Variants in ADGRB3 observed in about 807,000 individuals in gnomAD.
The protein encoded by ADGRB3 is adhesion G protein-coupled receptor B3.
ADGRB3 carries 37 observed loss-of-function variants against 193.4 expected under a neutral mutation model. That is an observed-to-expected ratio of 0.19 (90% CI 0.15 to 0.25). The LOEUF (loss-of-function observed/expected upper bound fraction) is 0.25. Ranked by LOEUF, ADGRB3 falls within the 10% of genes least tolerant of loss-of-function variation. The pLI is 1.00. For synonymous variants in ADGRB3, 690 were observed against 644.2 expected (o/e 1.07, Z -1.08); for missense variants, 1,637 against 1,852.9 (o/e 0.88, Z 2.14).
At chr6:69,180,364 T>C (rs1026494296) in intron 17 of ADGRB3, among the ~76,000 whole-genome samples, 1 of 152,062 alleles carries the variant, frequency 6.6e-6, no homozygotes, top group African/African-American at 2.4e-5. Context: ...GCAAAGGAAG[T>C]GTGGGGCAGT....
intron 3 of ADGRB3, among the ~76,000 whole-genome samples, chr6:68,913,622 A>G (rs1297463047): frequency 2.0e-5 from 3 of 152,242 alleles, no homozygotes; most frequent in Admixed American, 1.3e-4. Flanking sequence ...TGGAAACTCT[A>G]AAAATCAGAG....
chr6:69,360,406 C>G (rs1248148383), intron 28 of ADGRB3, among the ~76,000 whole-genome samples: 2 of 151,678 alleles, frequency 1.3e-5, no homozygotes, highest in Non-Finnish European at 2.9e-5. Flanking sequence ...ATTAATTATC[C>G]CTTCAAGAAG....
intron 17 of ADGRB3, among the ~76,000 whole-genome samples, chr6:69,133,960 C>T (rs1315566937): frequency 6.6e-6 from 1 of 152,078 alleles, no homozygotes; most frequent in East Asian, 1.9e-4. Flanking sequence ...TGCTGAATTA[C>T]TTCATTTAGA....
intron 3 of ADGRB3, among the ~76,000 whole-genome samples, chr6:68,663,667 C>G (rs1345055329): frequency 6.6e-6 from 1 of 151,742 alleles, no homozygotes; most frequent in Non-Finnish European, 1.5e-5. Context: ...TGAATAGAAA[C>G]TTTTGAAGCT....
intron 3 of ADGRB3, among the ~76,000 whole-genome samples, chr6:68,710,522 G>A (rs988057932): frequency 6.6e-5 from 10 of 152,036 alleles, no homozygotes; most frequent in East Asian, 1.9e-4. Context: ...TAAAGAAGTC[G>A]GCTTCTGTTT....
At chr6:68,952,304 C>T (rs1767949078) in intron 6 of ADGRB3, among the ~76,000 whole-genome samples, 1 of 151,924 alleles carries the variant, frequency 6.6e-6, no homozygotes, top group Admixed American at 6.6e-5. Context: ...TCATATTTGA[C>T]ACTAAAAATT....
chr6:69,234,125 A>G (rs1488203723), intron 18 of ADGRB3, among the ~76,000 whole-genome samples: 1 of 152,216 alleles, frequency 6.6e-6, no homozygotes, highest in Non-Finnish European at 1.5e-5. Flanking sequence ...CTAAATAAGC[A>G]TCACTCTTCT....
intron 3 of ADGRB3, among the ~76,000 whole-genome samples, chr6:68,851,440 A>G (rs959688014): frequency 1.8e-4 from 27 of 152,024 alleles, no homozygotes; most frequent in Middle Eastern, 3.4e-3. Flanking sequence ...ATTTTAACCA[A>G]GAAGTAACTA....
chr6:68,880,012 C>T (rs115129042), intron 3 of ADGRB3, among the ~76,000 whole-genome samples: 7 of 152,114 alleles, frequency 4.6e-5, no homozygotes, highest in African/African-American at 7.2e-5. Flanking sequence ...AGACATAAAC[C>T]AATTTTAATA....
chr6:69,270,922 T>G (rs1044947974), intron 20 of ADGRB3, among the ~76,000 whole-genome samples: 2 of 152,208 alleles, frequency 1.3e-5, no homozygotes, highest in Non-Finnish European at 2.9e-5. Context: ...AATAAGCATT[T>G]TTTTCAAACA....
chr6:69,270,072 G>A (rs1767140241), intron 20 of ADGRB3, among the ~76,000 whole-genome samples: 1 of 152,062 alleles, frequency 6.6e-6, no homozygotes, highest in South Asian at 2.1e-4. Context: ...GCACTTTTTG[G>A]AGTTTGTGGG....
intron 17 of ADGRB3, among the ~76,000 whole-genome samples, chr6:69,111,117 A>G (rs949502436): frequency 6.6e-6 from 1 of 152,216 alleles, no homozygotes; most frequent in Admixed American, 6.5e-5. Context: ...TCACATTAGA[A>G]TCATTTAGGG....
chr6:69,113,054 G>T (rs759545060), intron 17 of ADGRB3, among the ~76,000 whole-genome samples: 1 of 152,090 alleles, frequency 6.6e-6, no homozygotes, highest in Non-Finnish European at 1.5e-5. Context: ...CACTATGCCC[G>T]GCTGAGATAA....
chr6:69,297,593 T>A (rs572978769), intron 20 of ADGRB3, among the ~76,000 whole-genome samples: 1 of 152,056 alleles, frequency 6.6e-6, no homozygotes, highest in South Asian at 2.1e-4. Flanking sequence ...GTCAAAGGTC[T>A]TAAATGAGAG....
intron 16 of ADGRB3, among the ~76,000 whole-genome samples, chr6:69,063,350 C>T (rs762544442): frequency 6.6e-6 from 1 of 152,008 alleles, no homozygotes; most frequent in African/African-American, 2.4e-5. Context: ...TCAGTGCACA[C>T]ATCTTTACCA....
At chr6:68,706,460 T>C (rs1394048338) in intron 3 of ADGRB3, among the ~76,000 whole-genome samples, 4 of 152,324 alleles carry the variant, frequency 2.6e-5, no homozygotes, top group South Asian at 2.1e-4. Flanking sequence ...GGTGACCGTA[T>C]GTGTATGGCA....
intron 20 of ADGRB3, among the ~76,000 whole-genome samples, chr6:69,293,332 A>G (rs1767733893): frequency 6.6e-6 from 1 of 152,012 alleles, no homozygotes; most frequent in Non-Finnish European, 1.5e-5. Context: ...CTTATTTCCT[A>G]GACCCGAGGC....
chr6:69,048,224 C>T lies in ADGRB3; in HGVS notation c.2147C>T (p.Thr716Ile). 6.2e-7 allele frequency: 1 copy of T among 1,613,570 alleles called. No homozygotes were observed. The highest frequency in any genetic ancestry group is 8.5e-7 in the Non-Finnish European group (1 of 1,179,682). Residue 716 changes from threonine to isoleucine, a missense_variant, in exon 14 of 32, where the codon ACA (threonine) becomes ATA (isoleucine). Thr to Ile is a moderately conservative substitution (Grantham distance 89). Transcript: ENST00000370598. The stretch of plus-strand genomic sequence containing the variant: ...AAGCTTCCTGCAGCCTCTGTTCTAA[C>T]AGACATCAACTTTCCAATGAAAGGA... ...IQKLPAASVLTDINFPMKGRK... is the reference protein window; with the variant it reads ...IQKLPAASVLIDINFPMKGRK...
At chr6:68,995,284 T>G (rs1172086907) in intron 11 of ADGRB3, among the ~76,000 whole-genome samples, 1 of 152,170 alleles carries the variant, frequency 6.6e-6, no homozygotes, top group Admixed American at 6.6e-5. Context: ...AAATAGCATT[T>G]AAAGTCTTTG....
Sources: gnomAD v4.1 joint callset for allele counts (sites outside exome capture counted in the v4.1 genomes callset) on GRCh38, gnomAD v4.1.1 for gene constraint, MANE v1.5 for transcripts, NCBI Gene and HGNC (gene_info 2026-07-23, HGNC 2026-07-21) for gene names.